The following CNST variants were observed in gnomAD, a reference collection of about 807,000 sequenced individuals.
The protein encoded by CNST is consortin, connexin sorting protein, also known as consortin.
In CNST, 39 loss-of-function variants were observed where a neutral mutation model predicts 72.4. The ratio of observed to expected loss-of-function variants is 0.54; its 90% CI spans 0.42 to 0.70. The LOEUF is 0.70. CNST is among the 30% of genes least tolerant of loss of function. The probability of loss-of-function intolerance (pLI) is 0.00; values close to 1 mark genes in which losing one functional copy is unlikely to be tolerated. For synonymous variants in CNST, 332 were observed against 320.1 expected, an observed-to-expected ratio of 1.04 and a Z score of -0.40; for missense variants, 871 against 868.5, an observed-to-expected ratio of 1.00 and a Z score of -0.04.
chr1:246,651,488 G>T (rs1301947092), intron 9 of CNST, among the ~76,000 whole-genome samples: 2 of 152,138 alleles, frequency 1.3e-5, no homozygotes, highest in Non-Finnish European at 2.9e-5. Context: ...GGCTCCAGTG[G>T]AATTTGGTTT....
chr1:246,639,000 A>T (rs1486147723), intron 6 of CNST, among the ~76,000 whole-genome samples: 4 of 152,126 alleles, frequency 2.6e-5, no homozygotes, highest in Non-Finnish European at 5.9e-5. Context: ...GGGTTGAATA[A>T]ACTGTTAGGT....
intron 3 of CNST, among the ~76,000 whole-genome samples, chr1:246,625,934 C>T (rs114519776): frequency 0.018 from 2,797 of 152,218 alleles, 95 homozygotes; most frequent in African/African-American, 0.063. Flanking sequence ...CTATTGGAAA[C>T]GTCAAGTTGA....
intron 9 of CNST, among the ~76,000 whole-genome samples, chr1:246,652,166 TG>T (rs1478383312): frequency 6.6e-6 from 1 of 152,224 alleles, no homozygotes; most frequent in Non-Finnish European, 1.5e-5. Context: ...AACCTGATCA[TG>T]CAAATAAATC....
intron 10 of CNST, among the ~76,000 whole-genome samples, 192 bp downstream of exon 10, chr1:246,660,526 G>A (rs907069742): frequency 2.0e-5 from 3 of 152,178 alleles, no homozygotes; most frequent in Non-Finnish European, 4.4e-5. Context: ...AGGAGTTCGA[G>A]ACAAGCCTGA....
intron 10 of CNST, among the ~76,000 whole-genome samples, chr1:246,662,322 A>G (rs927932679): frequency 6.6e-6 from 1 of 152,234 alleles, no homozygotes; most frequent in East Asian, 1.9e-4. Context: ...AGGCACATGT[A>G]TGATTTTCAG....
intron 1 of CNST, among the ~76,000 whole-genome samples, chr1:246,576,783 C>T (rs1175301665): frequency 6.6e-6 from 1 of 151,910 alleles, no homozygotes; most frequent in African/African-American, 2.4e-5. Context: ...CGTGAGCCAC[C>T]GCACCCAGCC....
intron 1 of CNST, among the ~76,000 whole-genome samples, chr1:246,567,126 T>G (rs1258274334): frequency 1.3e-5 from 2 of 151,140 alleles, no homozygotes; most frequent in Admixed American, 6.6e-5. Context: ...GGGCCAATAT[T>G]TTCCTTAATT....
intron 8 of CNST, among the ~76,000 whole-genome samples, chr1:246,645,236 A>G (rs1209865284): frequency 6.6e-6 from 1 of 151,924 alleles, no homozygotes; most frequent in South Asian, 2.1e-4. Flanking sequence ...ATGGGCCTCA[A>G]TTGTCAGTTG....
intron 8 of CNST, 90 bp from the exon 9 acceptor site, chr1:246,647,049 T>C: frequency 8.8e-7 from 1 of 1,137,484 alleles, no homozygotes. Flanking sequence ...AGAATATTGC[T>C]GTATTACACA....
chr1:246,605,768 A>C (rs796931468), intron 2 of CNST: 7 of 33,528 alleles, frequency 2.1e-4, no homozygotes, highest in African/African-American at 7.5e-4. Flanking sequence ...CGGCCGGGGT[A>C]GGTGTCTTCC....
At chr1:246,599,878 T>C (rs1662153887) in intron 2 of CNST, among the ~76,000 whole-genome samples, 1 of 152,258 alleles carries the variant, frequency 6.6e-6, no homozygotes, top group Non-Finnish European at 1.5e-5. Flanking sequence ...TTATTGAGCA[T>C]TGTTGCTGGG....
intron 3 of CNST, among the ~76,000 whole-genome samples, chr1:246,626,551 G>A (rs774145449): frequency 1.9e-4 from 26 of 134,750 alleles, no homozygotes; most frequent in Non-Finnish European, 3.4e-4. Context: ...TCCGCTTCCC[G>A]AGTTCAGGTG....
intron 1 of CNST, among the ~76,000 whole-genome samples, chr1:246,585,084 A>G (rs1299437319): frequency 6.6e-6 from 1 of 152,172 alleles, no homozygotes; most frequent in Non-Finnish European, 1.5e-5. Flanking sequence ...CCCTGTGAGC[A>G]CTGATCTATT....
intron 9 of CNST, among the ~76,000 whole-genome samples, chr1:246,649,156 G>GTT (rs767552283): frequency 1.5e-4 from 11 of 73,812 alleles, no homozygotes; most frequent in Non-Finnish European, 1.6e-4. Flanking sequence ...ACAGACTGTT[G>GTT]TTTTGTTTTT....
At chr1:246,635,035 C>T (rs1025064503) in intron 6 of CNST, among the ~76,000 whole-genome samples, 3 of 152,010 alleles carry the variant, frequency 2.0e-5, no homozygotes, top group Non-Finnish European at 4.4e-5. Flanking sequence ...GCTGCTGGTG[C>T]AAGTGGCCTC....
chr1:246,582,465 C>T (rs780741401), intron 1 of CNST, among the ~76,000 whole-genome samples: 7 of 151,768 alleles, frequency 4.6e-5, no homozygotes, highest in Non-Finnish European at 1.0e-4. Context: ...TTTCCTGCCT[C>T]AGCCTCCCTA....
At chr1:246,621,334 G>A in intron 2 of CNST, 95 bp from the exon 3 acceptor site, 2 of 972,494 alleles carry the variant, frequency 2.1e-6, no homozygotes, top group Non-Finnish European at 3.2e-6. Flanking sequence ...TTTAGTTTGG[G>A]CAAGCCAGGG....
intron 10 of CNST, among the ~76,000 whole-genome samples, chr1:246,664,711 C>G (rs1034560138): frequency 2.6e-5 from 4 of 152,162 alleles, no homozygotes; most frequent in African/African-American, 7.2e-5. Flanking sequence ...CAGGCGTGAG[C>G]CACCACACCC....
At chr1:246,618,966 T>A (rs1180734666) in intron 2 of CNST, among the ~76,000 whole-genome samples, 1 of 152,206 alleles carries the variant, frequency 6.6e-6, no homozygotes, top group African/African-American at 2.4e-5. Context: ...AGGGTTTTAT[T>A]TAGCTCCCTT....
Sources: allele counts gnomAD v4.1 joint callset (sites outside exome capture counted in the v4.1 genomes callset), GRCh38; gene constraint gnomAD v4.1.1; transcripts MANE v1.5; gene names NCBI Gene and HGNC (gene_info 2026-07-23, HGNC 2026-07-21).